AFG1L: variants seen among roughly 807,000 people sequenced by gnomAD.
AFG1L encodes AFG1-like ATPase.
AFG1L carries 53 observed loss-of-function variants against 62.2 expected under a neutral mutation model. The ratio of observed to expected loss-of-function variants is 0.85; its 90% CI spans 0.68 to 1.07. The LOEUF (loss-of-function observed/expected upper bound fraction) is 1.07, where lower values mean the gene tolerates loss of function less well. Ranked by LOEUF, AFG1L falls within the 50% of genes least tolerant of loss-of-function variation. The probability of loss-of-function intolerance (pLI) is 0.00; values close to 1 mark genes in which losing one functional copy is unlikely to be tolerated. For missense variants in AFG1L, 555 were observed against 590.5 expected (o/e 0.94, Z 0.62); for synonymous variants, 228 against 210.3 (o/e 1.08, Z -0.73).
intron 6 of AFG1L, among the ~76,000 whole-genome samples, chr6:108,378,878 C>A (rs1252928063): frequency 6.7e-6 from 1 of 150,164 alleles, no homozygotes; most frequent in Non-Finnish European, 1.5e-5. Context: ...ATTAATTCTT[C>A]TTTCCTTTCC....
intron 6 of AFG1L, among the ~76,000 whole-genome samples, chr6:108,385,500 T>C (rs1397776415): frequency 6.6e-6 from 1 of 152,256 alleles, no homozygotes; most frequent in Non-Finnish European, 1.5e-5. Flanking sequence ...ATACTTGTAG[T>C]TAATCTATAA....
At chr6:108,323,122 G>A (rs1247585656) in intron 1 of AFG1L, among the ~76,000 whole-genome samples, 1 of 152,126 alleles carries the variant, frequency 6.6e-6, no homozygotes, top group African/African-American at 2.4e-5. Context: ...AAAACCCTTG[G>A]GACTAGTCTT....
intron 6 of AFG1L, among the ~76,000 whole-genome samples, chr6:108,375,422 C>T (rs1780201418): frequency 6.6e-6 from 1 of 152,136 alleles, no homozygotes; most frequent in African/African-American, 2.4e-5. Context: ...GGGAATGCTT[C>T]CAGTTTTTGC....
chr6:108,413,237 C>G (rs1782199593), intron 7 of AFG1L, among the ~76,000 whole-genome samples: 1 of 152,144 alleles, frequency 6.6e-6, no homozygotes. Context: ...TATGTATGCA[C>G]TCAATACGGG....
chr6:108,299,597 T>C (rs115936627), intron 1 of AFG1L, among the ~76,000 whole-genome samples: 204 of 152,038 alleles, frequency 1.3e-3, no homozygotes, highest in African/African-American at 4.7e-3. Context: ...AGAAAGAAAA[T>C]ATGAGGTATT....
rs550871109 is a variant in AFG1L, at chr6:108,513,036, T to G, written c.1203+2684T>G. Among the ~76,000 whole-genome samples the G allele has an allele frequency of 3.3e-5, 5 of 152,312 alleles. No homozygotes were observed. The South Asian group carries it at 1.0e-3, about 32-fold the overall frequency. ...TCAACACATGATTTTTAAGTACTGG[T>G]GTATTATTATTTAAATAATGATTTT... On this transcript the variant is annotated intron_variant, in intron 11 of 12. Transcript: ENST00000368977.
intron 2 of AFG1L, among the ~76,000 whole-genome samples, chr6:108,336,835 A>G (rs887339817): frequency 6.6e-6 from 1 of 152,218 alleles, no homozygotes; most frequent in East Asian, 1.9e-4. Context: ...TTCTAGAACC[A>G]TCTACAAGTA....
In AFG1L at chr6:108,522,524, T is replaced by C. The variant is rs75090382; in HGVS notation, c.*99T>C. 3.6e-5 allele frequency: 49 copies of C among 1,354,364 alleles called. No homozygotes were observed. The East Asian group carries it at 1.2e-3, about 32-fold the overall frequency. 83.9% of individuals were successfully genotyped at this position (1,354,364 alleles called of 1,614,324 possible). On this transcript the variant is annotated 3_prime_UTR_variant, in exon 13 of 13. Coordinates refer to ENST00000368977, the MANE Select transcript of AFG1L (RefSeq NM_145315.5). ...GGAATCATTTTCTCATCATTAATTA[T>C]GCACTTTGTCCTCTGGACCATTTTA...
chr6:108,487,893 G>T (rs1399051820), intron 10 of AFG1L, among the ~76,000 whole-genome samples: 1 of 152,194 alleles, frequency 6.6e-6, no homozygotes, highest in East Asian at 1.9e-4. Flanking sequence ...ATCAGGCAGA[G>T]AAATAGTCTT....
chr6:108,462,952 C>T (rs1034537816), intron 8 of AFG1L, among the ~76,000 whole-genome samples: 1 of 152,092 alleles, frequency 6.6e-6, no homozygotes, highest in Non-Finnish European at 1.5e-5. Context: ...GGCAAAAACC[C>T]TAGGTCTTTA....
At chr6:108,476,981 A>G in intron 9 of AFG1L, 46 bp downstream of exon 9, 9 of 1,503,634 alleles carry the variant, frequency 6.0e-6, no homozygotes, top group Non-Finnish European at 8.3e-6. Context: ...TTAGAACACA[A>G]TGCCCAATCT....
Position 108,477,204 on chromosome 6 carries a change from G to A in AFG1L, c.974G>A (p.Arg325Lys), listed in dbSNP as rs745368690. 1 of 1,596,248 alleles carries A rather than the reference G, an allele frequency of 6.3e-7. No homozygotes were observed. The highest frequency in any genetic ancestry group is 1.3e-5 in the African/African-American group (1 of 74,312). Residue 325 changes from arginine to lysine, a missense_variant, in exon 10 of 13, where the codon AGG becomes AAG. Transcript: ENST00000368977. ...CATGTTCCCATAGTAACTAGACCAA[G>A]GATTCTAAAAGTGCAAGGCAGAGAG... ...AQKQNDLTRP[R>K]ILKVQGRELR... is the part of the protein sequence containing the mutation.
At chr6:108,316,742 C>T (rs891535724) in intron 1 of AFG1L, among the ~76,000 whole-genome samples, 3 of 151,892 alleles carry the variant, frequency 2.0e-5, no homozygotes, top group Non-Finnish European at 2.9e-5. Context: ...CCGTGTTAGC[C>T]GGGATGGTCT....
intron 1 of AFG1L, among the ~76,000 whole-genome samples, chr6:108,296,148 G>T (rs1776759748): frequency 6.6e-6 from 1 of 152,102 alleles, no homozygotes; most frequent in Non-Finnish European, 1.5e-5. Context: ...CAATGCAGTT[G>T]AAATTAATAC....
intron 2 of AFG1L, among the ~76,000 whole-genome samples, chr6:108,336,657 T>C (rs1483503041): frequency 2.0e-5 from 3 of 152,208 alleles, no homozygotes; most frequent in African/African-American, 7.2e-5. Flanking sequence ...TATTTTTGAA[T>C]AATTTTAGGC....
In AFG1L at chr6:108,356,776, G is replaced by T; in HGVS notation, c.604G>T (p.Glu202Ter). The change falls in exon 5 of 13, where the codon GAA (glutamate) becomes TAA (stop). Residue 202 changes from glutamate to a stop codon, truncating the protein, a stop_gained. Coordinates refer to ENST00000368977, the MANE Select transcript of AFG1L (RefSeq NM_145315.5). LOFTEE classifies it high-confidence loss of function. ...TGACCCAATAGCTCCCATAGCCGAA[G>T]AAATCAGCGAAGAAGCATGTCTCCT... ...SYDPIAPIAE[E>*]ISEEACLLCF... is the part of the protein sequence containing the mutation. 1 of 1,613,476 alleles carries T rather than the reference G, an allele frequency of 6.2e-7. No homozygotes were observed. The highest frequency in any genetic ancestry group is 1.1e-5 in the South Asian group (1 of 90,882).
intron 6 of AFG1L, among the ~76,000 whole-genome samples, chr6:108,375,270 G>A (rs1780195228): frequency 6.6e-6 from 1 of 152,094 alleles, no homozygotes; most frequent in Non-Finnish European, 1.5e-5. Context: ...CATACTGTCT[G>A]TGAAGAAAAA....
At chr6:108,451,206 G>T (rs1772040988) in intron 8 of AFG1L, among the ~76,000 whole-genome samples, 1 of 152,118 alleles carries the variant, frequency 6.6e-6, no homozygotes, top group Non-Finnish European at 1.5e-5. Flanking sequence ...CGCTATCTCA[G>T]AATTTCATAC....
At chr6:108,373,618 AG>A (rs1388257578) in intron 6 of AFG1L, among the ~76,000 whole-genome samples, 4 of 140,808 alleles carry the variant, frequency 2.8e-5, no homozygotes, top group Non-Finnish European at 6.1e-5. Flanking sequence ...GATGGAGTCT[AG>A]CTTTGTTACT....
Sources: gnomAD v4.1 joint callset for allele counts (sites outside exome capture counted in the v4.1 genomes callset) on GRCh38, gnomAD v4.1.1 for gene constraint, MANE v1.5 for transcripts, NCBI Gene and HGNC (gene_info 2026-07-23, HGNC 2026-07-21) for gene names.